Variants in GTPBP2 observed in about 807,000 individuals in gnomAD.
GTPBP2 encodes the protein GTP binding protein 2.
GTPBP2 carries 32 observed loss-of-function variants against 63.0 expected under a neutral mutation model. The observed-to-expected ratio is 0.51, with a 90% CI of 0.38 to 0.68. The LOEUF (loss-of-function observed/expected upper bound fraction) is 0.68. GTPBP2 is among the 30% of genes least tolerant of loss of function. The pLI, the probability that GTPBP2 is intolerant of heterozygous loss-of-function variation, is 0.00. For missense variants in GTPBP2, 492 were observed against 796.9 expected (o/e 0.62, Z 4.61); for synonymous variants, 310 against 322.6 (o/e 0.96, Z 0.42).
At chr6:43,629,631 G>A (rs778514929), upstream of GTPBP2, 947 of 1,086,906 alleles carry the variant, frequency 8.7e-4, 1 homozygote, top group Non-Finnish European at 1.2e-3. Context: ...TGGGCGCTCC[G>A]GGATTTGGCC....
upstream of GTPBP2, chr6:43,629,699 T>A (rs1769773346): frequency 6.5e-7 from 1 of 1,546,300 alleles, no homozygotes; most frequent in African/African-American, 1.4e-5. Context: ...GAACTGAGGC[T>A]ACTGGTGCCG....
intron 1 of GTPBP2, 160 bp downstream of exon 1, chr6:43,628,817 C>G (rs1769655672): frequency 2.3e-6 from 2 of 870,998 alleles, no homozygotes; most frequent in Non-Finnish European, 4.0e-6. Flanking sequence ...CCCTTCCTCC[C>G]TGGGGTCCCG....
At position 43,620,737 on chromosome 6, in the gene GTPBP2, A is replaced by G. The variant is rs1330455098; in HGVS notation, c.*877T>C. ...GGAACAGTCACTACAAATTACTAAA[A>G]CGAGGGTTTAGGTGGGGCAGGAAAG... On this transcript the variant is annotated 3_prime_UTR_variant, in exon 12 of 12. Coordinates refer to ENST00000307126, the MANE Select transcript of GTPBP2 (RefSeq NM_019096.5). 1.3e-5 allele frequency: 2 copies of G among 152,740 alleles called. No homozygotes were observed. Among genetic ancestry groups the G allele is most frequent in the African/African-American group, 4.8e-5 (2 of 41,398 alleles). 9.5% of individuals were successfully genotyped at this position (152,740 alleles called of 1,614,324 possible).
In GTPBP2 at chr6:43,625,442, A is replaced by G. The variant is rs763721385; in HGVS notation, c.626T>C (p.Phe209Ser). 6.2e-7 allele frequency: 1 copy of G among 1,613,874 alleles called. No individual in the cohort carries two copies. The highest frequency in any genetic ancestry group is 1.1e-5 in the South Asian group (1 of 91,068). Reference sequence around the variant, plus strand: ...AGACTGAATCTCATGCAGGTGGCGGAAAAGGTTGAGCCGAGCCCGGCCCCG... The same window carrying G: ...AGACTGAATCTCATGCAGGTGGCGGGAAAGGTTGAGCCGAGCCCGGCCCCG... ...NGRGRARLNL[F>S]RHLHEIQSGR... Residue 209 changes from phenylalanine (F) to serine (S), a missense_variant, in exon 5 of 12, where the codon TTC (phenylalanine) becomes TCC (serine). This residue lies in a region of GTPBP2 where 400 missense variants were observed against 710.8 expected (regional missense o/e 0.56). Coordinates refer to ENST00000307126, the MANE Select transcript of GTPBP2 (RefSeq NM_019096.5). This position sits in a 1 kb window ranked among gnomAD's most constrained non-coding sequence, Gnocchi z 5.1.
Position 43,626,730 on chromosome 6 carries a change from G to C in GTPBP2, c.213+192C>G, listed in dbSNP as rs954713391. Among the ~76,000 whole-genome samples, 1 of 151,816 alleles carries C rather than the reference G, an allele frequency of 6.6e-6. No homozygotes were observed. The highest frequency in any genetic ancestry group is 1.5e-5 in the Non-Finnish European group (1 of 67,968). On this transcript the variant is annotated intron_variant, in intron 2 of 11. Transcript: ENST00000307126. The surrounding 1 kb of genome is among the most constrained non-coding windows in gnomAD (Gnocchi z 4.0). ...TACAAAATTAGCCAGGCATGGTGGC[G>C]CATGCCTGTAATCCCAGCTACTTGG...
At chr6:43,628,838 G>A (rs758925796) in intron 1 of GTPBP2, 139 bp downstream of exon 1, 11 of 956,418 alleles carry the variant, frequency 1.2e-5, no homozygotes, top group Non-Finnish European at 1.7e-5. Context: ...GGACCTGAAA[G>A]AGGTGTTCTC....
In GTPBP2 at chr6:43,626,139, C is replaced by T; in HGVS notation, c.398+87G>A. On this transcript the variant is annotated intron_variant, in intron 3 of 11. Transcript: ENST00000307126. The surrounding 1 kb of genome is among the most constrained non-coding windows in gnomAD (Gnocchi z 4.0). ...TTTGTCAAGAGAAGGAAAGTCCCAC[C>T]TTGGCCCCTCAGGCCCTAGGTAACT... The T allele has an allele frequency of 1.6e-6, 2 of 1,273,632 alleles. No homozygotes were observed. The highest frequency in any genetic ancestry group is 2.6e-5 in the South Asian group (2 of 75,482). The allele number at this position is 1,273,632 out of a possible 1,614,324, so 78.9% of individuals were successfully genotyped here.
upstream of GTPBP2, among the ~76,000 whole-genome samples, chr6:43,629,946 C>T (rs546293983): frequency 2.0e-5 from 3 of 152,368 alleles, no homozygotes; most frequent in East Asian, 3.9e-4. Context: ...ACACGAGACC[C>T]GAACCCGTAA....
Position 43,621,756 on chromosome 6 carries a change from CG to C in GTPBP2, c.1666del (p.Arg556ValfsTer5), listed in dbSNP as rs766755551. The C allele has an allele frequency of 6.2e-7, 1 of 1,614,170 alleles. No individual in the cohort carries two copies. Among genetic ancestry groups the C allele is most frequent in the Non-Finnish European group, 8.5e-7 (1 of 1,180,024 alleles). On this transcript the variant is annotated frameshift_variant, in exon 12 of 12. Transcript: ENST00000307126. LOFTEE classifies it high-confidence loss of function. ...KLRTGEKAVV[R>X]FRFLKHPEYL... ...CTCTGGGTGTTTCAGGAAGCGGAAA[CG>C]TACCACTGCCTTCTCGCCTGTCCGC... is the stretch of plus-strand genomic sequence containing the variant.
At chr6:43,628,577 A>T (rs1180017048) in intron 1 of GTPBP2, 1 of 979,566 alleles carries the variant, frequency 1.0e-6, no homozygotes, top group Non-Finnish European at 1.2e-6. Context: ...TTTCCCGGGT[A>T]CTCCCCTTCT....
upstream of GTPBP2, chr6:43,629,560 G>A: frequency 3.0e-6 from 2 of 674,446 alleles, no homozygotes; most frequent in South Asian, 1.6e-5. Flanking sequence ...AGAGCCTCGA[G>A]GCCTGGGGTG....
At position 43,622,289 on chromosome 6, in the gene GTPBP2, A is replaced by T; in HGVS notation, c.1468-122T>A. On this transcript the variant is annotated intron_variant, in intron 10 of 11. Transcript: ENST00000307126. The surrounding 1 kb of genome is among the most constrained non-coding windows in gnomAD (Gnocchi z 5.4). ...TCTTCCTCTACACAACTCTAAACACAAAGACCTCAAAAGACAATAATCAAA... is the reference window on the plus strand; with the variant it reads ...TCTTCCTCTACACAACTCTAAACACTAAGACCTCAAAAGACAATAATCAAA... 1 of 758,168 alleles carries T rather than the reference A, an allele frequency of 1.3e-6. No homozygotes were observed. Among genetic ancestry groups the T allele is most frequent in the Non-Finnish European group, 2.1e-6 (1 of 476,360 alleles). The allele number at this position is 758,168 out of a possible 1,614,324, so 47.0% of individuals were successfully genotyped here.
chr6:43,625,738 G>A lies in GTPBP2; in HGVS notation c.507+18C>T. Reference sequence around the variant, plus strand: ...TCCACAGTGTGGACATGAGAGACAGGGATGGGTGTGTGCTCACCTGTTGGT... The same window carrying A: ...TCCACAGTGTGGACATGAGAGACAGAGATGGGTGTGTGCTCACCTGTTGGT... On this transcript the variant is annotated intron_variant, in intron 4 of 11. Coordinates refer to ENST00000307126, the MANE Select transcript of GTPBP2 (RefSeq NM_019096.5). The surrounding 1 kb of genome is among the most constrained non-coding windows in gnomAD (Gnocchi z 5.1). 1 of 1,568,402 alleles carries A rather than the reference G, an allele frequency of 6.4e-7. No homozygotes were observed. The highest frequency in any genetic ancestry group is 8.8e-7 in the Non-Finnish European group (1 of 1,138,264).
In GTPBP2 at chr6:43,622,741, C is replaced by A. The variant is rs768320832; in HGVS notation, c.1359G>T (p.Glu453Asp). 6.2e-7 allele frequency: 1 copy of A among 1,614,068 alleles called. No individual in the cohort carries two copies. The highest frequency in any genetic ancestry group is 2.2e-5 in the East Asian group (1 of 44,878). The change falls in exon 10 of 12, where the codon GAG becomes GAT. Residue 453 changes from glutamate to aspartate, a missense_variant. Glu to Asp is a conservative substitution (Grantham distance 45, BLOSUM62 2). Around this residue, in one of 2 missense-constraint regions of GTPBP2, gnomAD observed 400 missense variants for 710.8 expected, o/e 0.56. Transcript: ENST00000307126. The surrounding 1 kb of genome is among the most constrained non-coding windows in gnomAD (Gnocchi z 5.4). Reference protein sequence around the residue: ...VGPTDDGCFLELRVCSIQRNR... With the variant: ...VGPTDDGCFLDLRVCSIQRNR... ...TGCGCTGGATGCTGCATACTCTCAG[C>A]TCCAGGAAGCAGCCATCATCCGTGG...
At position 43,621,658 on chromosome 6, in the gene GTPBP2, G is replaced by A; in HGVS notation, c.1765C>T (p.Gln589Ter). The A allele has an allele frequency of 1.3e-6, 2 of 1,589,194 alleles. No individual in the cohort carries two copies. Among genetic ancestry groups the A allele is most frequent in the Non-Finnish European group, 8.5e-7 (1 of 1,170,874 alleles). Residue 589 changes from glutamine to a stop codon, truncating the protein, a stop_gained, in exon 12 of 12, where the codon CAA becomes TAA. Coordinates refer to ENST00000307126, the MANE Select transcript of GTPBP2 (RefSeq NM_019096.5). LOFTEE classifies it high-confidence loss of function. ...TGGGCTTCTCCTGCTGTAATGGCTT[G>A]TACATCAGTGACATGGCCGATGCCC... ...TKGIGHVTDV[Q>*]AITAGEAQAN...
chr6:43,625,927 T>A lies in GTPBP2; in HGVS notation c.399-63A>T. ...TCCTTCTCCTATTCCAGGCTCGCTCTGGACCTACAGACTTCCTGCACCTCC... is the reference window on the plus strand; with the variant it reads ...TCCTTCTCCTATTCCAGGCTCGCTCAGGACCTACAGACTTCCTGCACCTCC... On this transcript the variant is annotated intron_variant, in intron 3 of 11. Coordinates refer to ENST00000307126, the MANE Select transcript of GTPBP2 (RefSeq NM_019096.5). This position sits in a 1 kb window ranked among gnomAD's most constrained non-coding sequence, Gnocchi z 5.1. The A allele has an allele frequency of 7.5e-7, 1 of 1,328,490 alleles. No homozygotes were observed. Among genetic ancestry groups the A allele is most frequent in the Non-Finnish European group, 1.1e-6 (1 of 921,220 alleles). 82.3% of individuals were successfully genotyped at this position (1,328,490 alleles called of 1,614,324 possible).
Position 43,622,817 on chromosome 6 carries a change from G to T in GTPBP2, c.1296-13C>A. 6.2e-7 allele frequency: 1 copy of T among 1,605,298 alleles called. No individual in the cohort carries two copies. Reference sequence around the variant, plus strand: ...ACGGCAAATCCCACTGCAGCCCAGAGGGCAGGTGGCACAGTGTCAGCCAAG... The same window carrying T: ...ACGGCAAATCCCACTGCAGCCCAGATGGCAGGTGGCACAGTGTCAGCCAAG... On this transcript the variant is annotated splice_polypyrimidine_tract_variant and intron_variant, in intron 9 of 11. Transcript: ENST00000307126. This position sits in a 1 kb window ranked among gnomAD's most constrained non-coding sequence, Gnocchi z 5.4.
chr6:43,623,715 G>A (rs776178245), intron 9 of GTPBP2, 22 bp downstream of exon 9: 2 of 1,579,772 alleles, frequency 1.3e-6, no homozygotes, highest in South Asian at 1.1e-5. Flanking sequence ...GAGTGGGGAG[G>A]GTAGCAAGCA....
Position 43,625,657 on chromosome 6 carries a change from G to A in GTPBP2, c.508-97C>T. The A allele has an allele frequency of 7.2e-7, 1 of 1,397,238 alleles. No homozygotes were observed. The highest frequency in any genetic ancestry group is 1.8e-4 in the Middle Eastern group (1 of 5,584). The allele number at this position is 1,397,238 out of a possible 1,614,324, so 86.6% of individuals were successfully genotyped here. A position where few individuals can be genotyped will look rare whatever the true frequency, so the allele number is the denominator to read the frequency against. ...TGACGCTCCCTAGGGAGCAAGTGAT[G>A]AACTGGAAGCCCCCAGGATCCCAGG... On this transcript the variant is annotated intron_variant, in intron 4 of 11. Transcript: ENST00000307126. The surrounding 1 kb of genome is among the most constrained non-coding windows in gnomAD (Gnocchi z 5.1).
Sources: allele counts gnomAD v4.1 joint callset (sites outside exome capture counted in the v4.1 genomes callset), GRCh38; gene constraint gnomAD v4.1.1; regional missense constraint gnomAD v4.1.1; non-coding constraint Gnocchi (gnomAD v3.1); transcripts MANE v1.5; gene names NCBI Gene and HGNC (gene_info 2026-07-23, HGNC 2026-07-21).